The following ZNF157 variants were observed in gnomAD, a reference collection of about 807,000 sequenced individuals.
ZNF157 encodes the protein zinc finger protein 22.
Under a neutral mutation model 9.4 loss-of-function variants are expected in ZNF157, and 8 were observed. That is an observed-to-expected ratio of 0.85 (90% CI 0.50 to 1.53). The LOEUF is 1.53. Among genes scored for constraint, ZNF157 ranks in the 40% most tolerant of loss-of-function variants. The pLI is 0.00. For synonymous variants in ZNF157, 120 were observed against 130.8 expected (o/e 0.92, Z 0.56); for missense variants, 316 against 385.2 (o/e 0.82, Z 1.50).
rs1438458749 is a variant in ZNF157 at position 47,413,543 on chromosome X, A to G, written c.1470A>G (p.Arg490=). 1 of 1,210,286 alleles carries G rather than the reference A, an allele frequency of 8.3e-7. No homozygotes were observed. Among genetic ancestry groups the G allele is most frequent in the Non-Finnish European group, 1.1e-6 (1 of 894,423 alleles). ...CRKAHLTEHQ[R]THIGWSWRCT... ...AAGCACACCTCACAGAACATCAGAG[A>G]ACTCACATAGGCTGGTCCTGGCGTT... Residue 490 remains arginine, a synonymous_variant, in exon 4 of 4, where the codon AGA becomes AGG. Transcript: ENST00000377073.
chrX:47,381,290 C>T (rs1256033062), intron 1 of ZNF157, among the ~76,000 whole-genome samples: 1 of 111,087 alleles, frequency 9.0e-6, no homozygotes, highest in African/African-American at 3.3e-5. Flanking sequence ...TAACAACTGC[C>T]TGACCATCAC....
chrX:47,391,534 T>C (rs191189894), intron 1 of ZNF157, among the ~76,000 whole-genome samples: 125 of 112,038 alleles, frequency 1.1e-3, no homozygotes, highest in Non-Finnish European at 1.8e-3. Flanking sequence ...ATTTCAGATT[T>C]TGGATTTTTT....
At chrX:47,410,465 T>A in intron 2 of ZNF157, 63 bp downstream of exon 2, 1 of 1,164,783 alleles carries the variant, frequency 8.6e-7, no homozygotes, top group Admixed American at 2.3e-5. Flanking sequence ...TGCTGTAACA[T>A]GTGCAGCCTT....
At chrX:47,389,488 C>T (rs1350912561) in intron 1 of ZNF157, among the ~76,000 whole-genome samples, 2 of 111,442 alleles carry the variant, frequency 1.8e-5, no homozygotes, top group Non-Finnish European at 3.8e-5. Flanking sequence ...CTAGCTGAGA[C>T]TACAGGCGCA....
intron 1 of ZNF157, among the ~76,000 whole-genome samples, chrX:47,371,110 G>A (rs1362856716): frequency 9.0e-6 from 1 of 111,478 alleles, no homozygotes; most frequent in Non-Finnish European, 1.9e-5. Flanking sequence ...GGCCGAGGCG[G>A]GTGGATCACT....
chrX:47,374,959 C>T (rs5952430), intron 1 of ZNF157, among the ~76,000 whole-genome samples: 1 of 88,910 alleles, frequency 1.1e-5, no homozygotes, highest in Admixed American at 1.5e-4. Flanking sequence ...TCCCAAAGTT[C>T]TGGGATTACA....
intron 1 of ZNF157, among the ~76,000 whole-genome samples, chrX:47,402,744 G>A (rs1015876764): frequency 9.3e-6 from 1 of 107,537 alleles, no homozygotes; most frequent in African/African-American, 3.4e-5. Context: ...GGGTTTCACC[G>A]TGTTACCCAG....
At chrX:47,375,129 G>A (rs2055841070) in intron 1 of ZNF157, among the ~76,000 whole-genome samples, 1 of 96,220 alleles carries the variant, frequency 1.0e-5, no homozygotes, top group Non-Finnish European at 2.0e-5. Context: ...TAATTCTCCT[G>A]CCTCAGCCTC....
intron 1 of ZNF157, among the ~76,000 whole-genome samples, chrX:47,397,962 AG>A (rs1228327794): frequency 1.8e-5 from 2 of 110,475 alleles, no homozygotes; most frequent in African/African-American, 3.3e-5. Context: ...GTAGGTTACT[AG>A]GGGTAATAGT....
At chrX:47,394,725 G>C (rs901108239) in intron 1 of ZNF157, among the ~76,000 whole-genome samples, 1 of 111,697 alleles carries the variant, frequency 9.0e-6, no homozygotes, top group African/African-American at 3.2e-5. Context: ...ATTTTGTGCG[G>C]GATGATGTTT....
chrX:47,403,278 G>A (rs922506946), intron 1 of ZNF157, among the ~76,000 whole-genome samples: 3 of 110,165 alleles, frequency 2.7e-5, no homozygotes, highest in East Asian at 2.9e-4. Flanking sequence ...ACTCTGTCTC[G>A]AAAAACAAAC....
At chrX:47,405,929 A>T (rs1466251453) in intron 1 of ZNF157, among the ~76,000 whole-genome samples, 1 of 109,455 alleles carries the variant, frequency 9.1e-6, no homozygotes. Context: ...TGTAGTGGTG[A>T]CTTCAAAGAT....
At chrX:47,407,462 G>C (rs1272787716) in intron 1 of ZNF157, among the ~76,000 whole-genome samples, 1 of 111,421 alleles carries the variant, frequency 9.0e-6, no homozygotes, top group African/African-American at 3.3e-5. Context: ...TCAAGGCCTG[G>C]GAATTTCTTT....
rs750712373 is a variant in ZNF157, at chrX:47,373,856, T to TA, written c.72+3124dup. On this transcript the variant is annotated intron_variant, in intron 1 of 3. Transcript: ENST00000377073. ...GTGTGTGCCACCACGCCCGGCTAAT[T>TA]AAAAAAAATTTTTTTTTTTTTAACA... Among the ~76,000 whole-genome samples the TA allele has an allele frequency of 6.0e-3, 382 of 63,784 alleles. 2 individuals carry two copies. Among genetic ancestry groups the TA allele is most frequent in the African/African-American group, 0.029 (346 of 11,865 alleles). 55.4% of individuals were successfully genotyped at this position (63,784 alleles called of 115,157 possible).
chrX:47,393,641 G>T (rs1199168090), intron 1 of ZNF157, among the ~76,000 whole-genome samples: 1 of 109,916 alleles, frequency 9.1e-6, no homozygotes, highest in African/African-American at 3.3e-5. Context: ...GTTCACTGCA[G>T]CCTTAACCTC....
intron 1 of ZNF157, among the ~76,000 whole-genome samples, chrX:47,402,626 G>A (rs1026843400): frequency 2.9e-5 from 3 of 105,055 alleles, no homozygotes; most frequent in African/African-American, 7.0e-5. Context: ...TGCAAGCTCC[G>A]CCTCCCGGGT....
chrX:47,395,199 G>A (rs760238582), intron 1 of ZNF157, among the ~76,000 whole-genome samples: 1 of 110,925 alleles, frequency 9.0e-6, no homozygotes, highest in East Asian at 2.8e-4. Flanking sequence ...ATATAGGCAC[G>A]AGCCACTGCT....
intron 1 of ZNF157, among the ~76,000 whole-genome samples, chrX:47,389,108 G>T (rs6520260): frequency 9.0e-5 from 10 of 110,816 alleles, no homozygotes; most frequent in Non-Finnish European, 1.9e-4. Flanking sequence ...CACCACACCC[G>T]GCCGGAAACA....
In ZNF157 at chrX:47,399,908, T is replaced by G. The variant is rs756633481; in HGVS notation, c.73-10368T>G. On this transcript the variant is annotated intron_variant, in intron 1 of 3. Transcript: ENST00000377073. ...GTTGCCCAGGCTGGCCTCAGATTCT[T>G]GAGCTCAAGTGATCCTCCTGCCTCA... Among the ~76,000 whole-genome samples the G allele has an allele frequency of 3.0e-4, 33 of 110,919 alleles. 1 individual carries two copies. The Admixed American group carries it at 3.1e-3, about 10-fold the overall frequency.
Sources: allele counts gnomAD v4.1 joint callset (sites outside exome capture counted in the v4.1 genomes callset), GRCh38; gene constraint gnomAD v4.1.1; transcripts MANE v1.5; gene names NCBI Gene and HGNC (gene_info 2026-07-23, HGNC 2026-07-21).